The following UBE2R2 variants were observed in gnomAD, a reference collection of about 807,000 sequenced individuals.
UBE2R2 encodes ubiquitin-conjugating enzyme E2 R2.
In UBE2R2, 1 loss-of-function variant was observed where a neutral mutation model predicts 27.8. That is an observed-to-expected ratio of 0.04 (90% CI 0.01 to 0.17). The LOEUF (loss-of-function observed/expected upper bound fraction) is 0.17, where lower values mean the gene tolerates loss of function less well. UBE2R2 is among the 10% of genes least tolerant of loss of function. UBE2R2 has a pLI of 1.00. For synonymous variants in UBE2R2, 106 were observed against 113.3 expected, an observed-to-expected ratio of 0.94 and a Z score of 0.41; for missense variants, 100 against 291.0, an observed-to-expected ratio of 0.34 and a Z score of 4.78.
chr9:33,844,400 C>T (rs2130743895), intron 1 of UBE2R2, among the ~76,000 whole-genome samples: 1 of 152,072 alleles, frequency 6.6e-6, no homozygotes, highest in Non-Finnish European at 1.5e-5. Context: ...GACAGGTCTT[C>T]ACCATGTTGG....
intron 1 of UBE2R2, chr9:33,818,791 T>C (rs2130703520): frequency 6.6e-6 from 1 of 152,272 alleles, no homozygotes; most frequent in Middle Eastern, 3.4e-3. Flanking sequence ...GCTCAAGTGG[T>C]TAACTCTAGC....
At chr9:33,906,184 G>A (rs1822353000) in intron 3 of UBE2R2, among the ~76,000 whole-genome samples, 1 of 152,088 alleles carries the variant, frequency 6.6e-6, no homozygotes, top group South Asian at 2.1e-4. Context: ...GTGCAATGGT[G>A]CGATCTCAGC....
intron 1 of UBE2R2, among the ~76,000 whole-genome samples, chr9:33,874,849 A>T (rs1821568123): frequency 6.6e-6 from 1 of 151,980 alleles, no homozygotes; most frequent in African/African-American, 2.4e-5. Context: ...ATTTTTTTGT[A>T]GAGTTGGGGG....
chr9:33,860,774 G>C (rs960137613), intron 1 of UBE2R2, among the ~76,000 whole-genome samples: 2 of 151,822 alleles, frequency 1.3e-5, no homozygotes, highest in Non-Finnish European at 1.5e-5. Context: ...GTGGTGGCCT[G>C]TAGCCCTAGC....
chr9:33,846,447 T>C (rs974889783), intron 1 of UBE2R2, among the ~76,000 whole-genome samples: 1 of 152,226 alleles, frequency 6.6e-6, no homozygotes, highest in Non-Finnish European at 1.5e-5. Flanking sequence ...TGCTTTGTCA[T>C]CTAATTTGAC....
intron 2 of UBE2R2, among the ~76,000 whole-genome samples, chr9:33,896,937 AG>A (rs1481939788): frequency 7.2e-6 from 1 of 139,844 alleles, no homozygotes; most frequent in Non-Finnish European, 1.5e-5. Context: ...ACTACTAAGA[AG>A]GTTGTGTTTT....
At chr9:33,845,729 C>T (rs1042556242) in intron 1 of UBE2R2, among the ~76,000 whole-genome samples, 1 of 151,974 alleles carries the variant, frequency 6.6e-6, no homozygotes, top group Non-Finnish European at 1.5e-5. Flanking sequence ...TTTTCTAGGC[C>T]GGGTACAGTA....
intron 1 of UBE2R2, among the ~76,000 whole-genome samples, chr9:33,841,845 T>G (rs932527966): frequency 1.6e-4 from 24 of 152,326 alleles, no homozygotes; most frequent in East Asian, 1.9e-4. Context: ...ATAGCAATAC[T>G]AATAATACCA....
At chr9:33,839,764 G>A (rs1449297790) in intron 1 of UBE2R2, among the ~76,000 whole-genome samples, 1 of 152,190 alleles carries the variant, frequency 6.6e-6, no homozygotes, top group Non-Finnish European at 1.5e-5. Flanking sequence ...GGGAGGCTGA[G>A]GTGGGAAGAT....
chr9:33,891,275 G>A (rs1302501465), intron 2 of UBE2R2, among the ~76,000 whole-genome samples: 2 of 151,746 alleles, frequency 1.3e-5, no homozygotes, highest in Admixed American at 1.3e-4. Context: ...TTCTGACTTC[G>A]TGATCCACCT....
rs1285016558 is a variant in UBE2R2 at position 33,919,921 on chromosome 9, CTGT to C, written c.*2687_*2689del. 6.6e-6 allele frequency: 1 copy of C among 152,144 alleles called. No homozygotes were observed. Among genetic ancestry groups the C allele is most frequent in the African/African-American group, 2.4e-5 (1 of 41,430 alleles). 9.4% of individuals were successfully genotyped at this position (152,144 alleles called of 1,614,324 possible). On this transcript the variant is annotated 3_prime_UTR_variant, in exon 5 of 5. Transcript: ENST00000263228. ...CTGGGTGGAGAAGTATATGATTCTGCTGTTGATTCTTTCAGTCTTCCCCCCTTC... is the reference window on the plus strand; with the variant it reads ...CTGGGTGGAGAAGTATATGATTCTGCTGATTCTTTCAGTCTTCCCCCCTTC...
chr9:33,880,534 C>T (rs968861455), intron 1 of UBE2R2, among the ~76,000 whole-genome samples: 5 of 152,016 alleles, frequency 3.3e-5, no homozygotes, highest in African/African-American at 9.7e-5. Flanking sequence ...AGATGTTGTA[C>T]GTTCCAGAAT....
upstream of UBE2R2, among the ~76,000 whole-genome samples, chr9:33,816,478 C>T (rs3814511): frequency 0.2 from 29,984 of 152,138 alleles, 3,234 homozygotes; most frequent in South Asian, 0.33. Flanking sequence ...GGCTAGAGAC[C>T]CAGTTTGTTA....
chr9:33,815,407 G>A (rs992928082), upstream of UBE2R2, among the ~76,000 whole-genome samples: 1 of 152,240 alleles, frequency 6.6e-6, no homozygotes, highest in African/African-American at 2.4e-5. Context: ...CTGGGCGCCA[G>A]GTGTAGGGGA....
intron 2 of UBE2R2, among the ~76,000 whole-genome samples, chr9:33,892,146 T>G (rs1643236457): frequency 6.6e-6 from 1 of 152,238 alleles, no homozygotes; most frequent in South Asian, 2.1e-4. Flanking sequence ...GCTTTGCGAA[T>G]TTGTCATCAG....
At chr9:33,842,417 A>G (rs1820751080) in intron 1 of UBE2R2, among the ~76,000 whole-genome samples, 1 of 152,162 alleles carries the variant, frequency 6.6e-6, no homozygotes, top group Admixed American at 6.5e-5. Context: ...ATTTCCACCA[A>G]TTTGTATTGA....
chr9:33,898,070 C>T (rs532237200), intron 2 of UBE2R2, among the ~76,000 whole-genome samples: 3 of 151,618 alleles, frequency 2.0e-5, no homozygotes, highest in South Asian at 2.1e-4. Context: ...CCACCACGCC[C>T]GGCTCTCTTC....
intron 1 of UBE2R2, among the ~76,000 whole-genome samples, chr9:33,860,961 T>C (rs1409955583): frequency 1.3e-5 from 2 of 149,264 alleles, no homozygotes; most frequent in African/African-American, 4.9e-5. Flanking sequence ...TTTGTTTGTT[T>C]TTTGTTTTTT....
chr9:33,888,313 AC>A (rs143566440), intron 2 of UBE2R2, among the ~76,000 whole-genome samples: 19,379 of 151,972 alleles, frequency 0.13, 1,540 homozygotes, highest in East Asian at 0.22. Flanking sequence ...AAACAAAAAA[AC>A]AAACAAAAAA....
Sources: gnomAD v4.1 joint callset for allele counts (sites outside exome capture counted in the v4.1 genomes callset) on GRCh38, gnomAD v4.1.1 for gene constraint, MANE v1.5 for transcripts, NCBI Gene and HGNC (gene_info 2026-07-23, HGNC 2026-07-21) for gene names.